Variants in AGAP1 observed in about 807,000 individuals in gnomAD.
The protein encoded by AGAP1 is ArfGAP with GTPase domain, ankyrin repeat and PH domain 1, also known as arf-GAP with GTPase, ANK repeat and PH domain-containing protein 1.
Under a neutral mutation model 105.3 loss-of-function variants are expected in AGAP1, and 29 were observed. The ratio of observed to expected loss-of-function variants is 0.28; its 90% CI spans 0.21 to 0.38. The LOEUF is 0.38. Among genes scored for constraint, AGAP1 ranks in the 10% least tolerant of loss-of-function variants. The pLI is 1.00. For synonymous variants in AGAP1, 509 were observed against 485.9 expected, an observed-to-expected ratio of 1.05 and a Z score of -0.63; for missense variants, 998 against 1,165.1, an observed-to-expected ratio of 0.86 and a Z score of 2.09.
At chr2:235,573,775 G>C (rs971674244) in intron 1 of AGAP1, among the ~76,000 whole-genome samples, 5 of 152,120 alleles carry the variant, frequency 3.3e-5, no homozygotes, top group Admixed American at 1.3e-4. Context: ...TGGAGAGTCA[G>C]GTCAGGGGTG....
At chr2:235,947,028 A>G (rs962627899) in intron 12 of AGAP1, among the ~76,000 whole-genome samples, 1 of 152,072 alleles carries the variant, frequency 6.6e-6, no homozygotes, top group African/African-American at 2.4e-5. Context: ...TAAAAATTAT[A>G]TATAGATATT....
At position 236,120,865 on chromosome 2, in the gene AGAP1, G is replaced by A. The variant is rs1265500800; in HGVS notation, c.2370+418G>A. Among the ~76,000 whole-genome samples the A allele has an allele frequency of 6.6e-6, 1 of 152,178 alleles. No homozygotes were observed. Among genetic ancestry groups the A allele is most frequent in the Non-Finnish European group, 1.5e-5 (1 of 68,038 alleles). Reference sequence around the variant, plus strand: ...CTGATGTGGCAGGAGTTTGTCAAAGGACTTCTTTCGAACCATTCTGATTAA... The same window carrying A: ...CTGATGTGGCAGGAGTTTGTCAAAGAACTTCTTTCGAACCATTCTGATTAA... On this transcript the variant is annotated intron_variant, in intron 17 of 17. Transcript: ENST00000304032. The surrounding 1 kb of genome is among the most constrained non-coding windows in gnomAD (Gnocchi z 6.0).
At chr2:235,605,058 T>C (rs1244157007) in intron 1 of AGAP1, among the ~76,000 whole-genome samples, 1 of 151,882 alleles carries the variant, frequency 6.6e-6, no homozygotes, top group Non-Finnish European at 1.5e-5. Flanking sequence ...TTTGTATTTT[T>C]AGTAGAGATG....
At chr2:236,074,841 G>A (rs2058594277) in intron 16 of AGAP1, among the ~76,000 whole-genome samples, 1 of 152,138 alleles carries the variant, frequency 6.6e-6, no homozygotes, top group Admixed American at 6.5e-5. Flanking sequence ...CATCAGTTGA[G>A]CTCATGAGTT....
intron 1 of AGAP1, among the ~76,000 whole-genome samples, chr2:235,567,578 A>G (rs1330293898): frequency 6.6e-6 from 1 of 152,204 alleles, no homozygotes; most frequent in Non-Finnish European, 1.5e-5. Flanking sequence ...CTGTGCCAGT[A>G]TGCAGCTGGG....
chr2:235,730,159 AAAAG>A (rs1951862947), intron 3 of AGAP1, among the ~76,000 whole-genome samples: 3 of 152,136 alleles, frequency 2.0e-5, no homozygotes, highest in Admixed American at 6.5e-5. Context: ...TGCATATTGA[AAAAG>A]AGAGTTCATG....
intron 1 of AGAP1, chr2:235,670,991 C>T (rs1252789940): frequency 1.7e-5 from 22 of 1,324,788 alleles, no homozygotes; most frequent in Non-Finnish European, 2.0e-5. Flanking sequence ...CTACTTCAGC[C>T]TGCGGCGGGC....
At chr2:236,018,119 G>A (rs529189593) in intron 13 of AGAP1, among the ~76,000 whole-genome samples, 31 of 152,354 alleles carry the variant, frequency 2.0e-4, no homozygotes, top group African/African-American at 5.5e-4. Context: ...TTGCACTAAT[G>A]TACAAACTTT....
Position 236,014,024 on chromosome 2 carries a change from C to T in AGAP1, c.1646-22537C>T, listed in dbSNP as rs2056608421. Among the ~76,000 whole-genome samples the T allele has an allele frequency of 6.6e-6, 1 of 152,136 alleles. No homozygotes were observed. The highest frequency in any genetic ancestry group is 1.5e-5 in the Non-Finnish European group (1 of 68,026). On this transcript the variant is annotated intron_variant, in intron 13 of 17. Coordinates refer to ENST00000304032, the MANE Select transcript of AGAP1 (RefSeq NM_001037131.3). This position sits in a 1 kb window ranked among gnomAD's most constrained non-coding sequence, Gnocchi z 6.3. Reference sequence around the variant, plus strand: ...GGGGGCCCCATCTCAGTGAGCCAGCCAGGCACTGCACACAGCCTGAGTGGT... The same window carrying T: ...GGGGGCCCCATCTCAGTGAGCCAGCTAGGCACTGCACACAGCCTGAGTGGT...
rs1952240255 is a variant in AGAP1, at chr2:235,736,188, C to G, written c.311-4775C>G. Among the ~76,000 whole-genome samples the G allele has an allele frequency of 6.6e-6, 1 of 151,834 alleles. No individual in the cohort carries two copies. The highest frequency in any genetic ancestry group is 2.4e-5 in the African/African-American group (1 of 41,350). On this transcript the variant is annotated intron_variant, in intron 3 of 17. Transcript: ENST00000304032. This position sits in a 1 kb window ranked among gnomAD's most constrained non-coding sequence, Gnocchi z 5.5. ...GCGACCGATCTGTCTGGTTCCTCAC[C>G]CTGGGGGTGCCCGCCGTTGGGAGGT...
chr2:235,544,267 A>AGGAACG (rs1943550943), intron 1 of AGAP1, among the ~76,000 whole-genome samples: 1 of 152,142 alleles, frequency 6.6e-6, no homozygotes, highest in African/African-American at 2.4e-5. Context: ...GCGGTGTGGC[A>AGGAACG]GGAACGGAGC....
At chr2:236,108,200 C>T (rs556411007) in intron 16 of AGAP1, among the ~76,000 whole-genome samples, 104 of 152,362 alleles carry the variant, frequency 6.8e-4, no homozygotes, top group African/African-American at 2.2e-3. Flanking sequence ...CAGCTGTCAG[C>T]GCCCGCTCGC....
rs770626614 is a variant in AGAP1, at chr2:236,040,805, C to T, written c.1855C>T (p.Arg619Cys). 9.9e-6 allele frequency: 16 copies of T among 1,613,922 alleles called. No individual in the cohort carries two copies. The highest frequency in any genetic ancestry group is 3.3e-5 in the Admixed American group (2 of 60,006). The change falls in exon 15 of 18, where the codon CGC (arginine) becomes TGC (cysteine). Residue 619 changes from arginine to cysteine, a missense_variant. Arg to Cys is a radical substitution (Grantham distance 180). Transcript: ENST00000304032. This position sits in a 1 kb window ranked among gnomAD's most constrained non-coding sequence, Gnocchi z 5.6. ...AMALQSIRNM[R>C]GNSHCVDCET... Reference sequence around the variant, plus strand: ...GGCCCTGCAGTCGATCCGGAACATGCGCGGGAACTCCCACTGTGTGGACTG... The same window carrying T: ...GGCCCTGCAGTCGATCCGGAACATGTGCGGGAACTCCCACTGTGTGGACTG...
Position 235,799,664 on chromosome 2 carries a change from AAG to A in AGAP1, c.957+144_957+145del, listed in dbSNP as rs1442543423. 4 of 971,130 alleles carry A rather than the reference AAG, an allele frequency of 4.1e-6. No homozygotes were observed. Among genetic ancestry groups the A allele is most frequent in the Non-Finnish European group, 5.8e-6 (4 of 685,496 alleles). 60.2% of individuals were successfully genotyped at this position (971,130 alleles called of 1,614,324 possible). A position where few individuals can be genotyped will look rare whatever the true frequency, so the allele number is the denominator to read the frequency against. The stretch of plus-strand genomic sequence containing the variant: ...ATAACATTGATTTCTGTGGAGGACT[AAG>A]AAAATTAAGAGAAGCAAAGATTTGG... On this transcript the variant is annotated intron_variant, in intron 8 of 17. Coordinates refer to ENST00000304032, the MANE Select transcript of AGAP1 (RefSeq NM_001037131.3). This position sits in a 1 kb window ranked among gnomAD's most constrained non-coding sequence, Gnocchi z 5.0.
In AGAP1 at chr2:236,045,399, T is replaced by TG. The variant is rs1480541302; in HGVS notation, c.1892-3656dup. 6.6e-6 allele frequency among the ~76,000 whole-genome samples: 1 copy of TG among 152,192 alleles called. No individual in the cohort carries two copies. The highest frequency in any genetic ancestry group is 1.5e-5 in the Non-Finnish European group (1 of 68,026). On this transcript the variant is annotated intron_variant, in intron 15 of 17. Coordinates refer to ENST00000304032, the MANE Select transcript of AGAP1 (RefSeq NM_001037131.3). This position sits in a 1 kb window ranked among gnomAD's most constrained non-coding sequence, Gnocchi z 6.9. ...CCAACACCTAACACTGTACTTCCCG[T>TG]GGGGCAGTCACTGCTCTAAGTGCCT...
At position 236,053,772 on chromosome 2, in the gene AGAP1, G is replaced by A. The variant is rs147948110; in HGVS notation, c.2114+4491G>A. Among the ~76,000 whole-genome samples, 324 of 152,376 alleles carry A rather than the reference G, an allele frequency of 2.1e-3. 2 individuals are homozygous for A. The highest frequency in any genetic ancestry group is 6.9e-3 in the African/African-American group (285 of 41,596). On this transcript the variant is annotated intron_variant, in intron 16 of 17. Transcript: ENST00000304032. The surrounding 1 kb of genome is among the most constrained non-coding windows in gnomAD (Gnocchi z 4.6). The stretch of plus-strand genomic sequence containing the variant: ...TGGGCCAGGAAATCAAAGGAACCTG[G>A]AAGTGGAGAATAGTGTTTTCAATTC...
rs71036292 is a variant in AGAP1, at chr2:235,766,907, ATTT to A, written c.673+16439_673+16441del. ...TATGTGCGTGCCACCACACCGGCTA[ATTT>A]TTTTTTTTTTTTTTTTTTTGTGAGA... On this transcript the variant is annotated intron_variant, in intron 6 of 17. Transcript: ENST00000304032. 3.7e-3 allele frequency among the ~76,000 whole-genome samples: 403 copies of A among 109,904 alleles called. 1 individual carries two copies. Among genetic ancestry groups the A allele is most frequent in the African/African-American group, 0.011 (348 of 30,470 alleles). The allele number at this position is 109,904 out of a possible 152,430, so 72.1% of individuals were successfully genotyped here.
chr2:236,027,466 G>A lies in AGAP1; in HGVS notation c.1646-9095G>A, dbSNP rs1467368394. On this transcript the variant is annotated intron_variant, in intron 13 of 17. Coordinates refer to ENST00000304032, the MANE Select transcript of AGAP1 (RefSeq NM_001037131.3). The surrounding 1 kb of genome is among the most constrained non-coding windows in gnomAD (Gnocchi z 4.4). ...GAAGACACAGGGTAGTCCTCCCGCC[G>A]GTGCCCACCTCTGCGCTGAGCATGT... Among the ~76,000 whole-genome samples the A allele has an allele frequency of 1.3e-5, 2 of 152,206 alleles. No individual in the cohort carries two copies. The highest frequency in any genetic ancestry group is 6.5e-5 in the Admixed American group (1 of 15,272).
At chr2:235,536,692 C>T (rs994406663) in intron 1 of AGAP1, among the ~76,000 whole-genome samples, 1 of 151,720 alleles carries the variant, frequency 6.6e-6, no homozygotes, top group Non-Finnish European at 1.5e-5. Context: ...TTGCTTATGT[C>T]CTCCACCCGT....
Sources: gnomAD v4.1 joint callset for allele counts (sites outside exome capture counted in the v4.1 genomes callset) on GRCh38, gnomAD v4.1.1 for gene constraint, Gnocchi (gnomAD v3.1) non-coding constraint, MANE v1.5 for transcripts, NCBI Gene and HGNC (gene_info 2026-07-23, HGNC 2026-07-21) for gene names.